The following MZT2A variants were observed in gnomAD, a reference collection of about 807,000 sequenced individuals.
MZT2A encodes mitotic-spindle organizing protein 2A.
In MZT2A, 8 loss-of-function variants were observed where a neutral mutation model predicts 12.4. That is an observed-to-expected ratio of 0.64 (90% confidence interval 0.38 to 1.16). MZT2A has a LOEUF of 1.16. Among genes scored for constraint, MZT2A ranks in the 50% most tolerant of loss-of-function variants. The pLI is 0.01. For missense variants in MZT2A, 181 were observed against 223.6 expected, an observed-to-expected ratio of 0.81 and a Z score of 1.22; for synonymous variants, 88 against 107.5, an observed-to-expected ratio of 0.82 and a Z score of 1.12.
chr2:131,479,931 A>G, downstream of MZT2A: 1 of 1,323,418 alleles, frequency 7.6e-7, no homozygotes, highest in Non-Finnish European at 1.0e-6. Context: ...TCTTTGCTTC[A>G]AAGTGTACTG....
chr2:131,480,910 CT>C (rs375835410), downstream of MZT2A, among the ~76,000 whole-genome samples: 229 of 145,704 alleles, frequency 1.6e-3, no homozygotes, highest in Middle Eastern at 3.6e-3. Flanking sequence ...TCAGTGATTT[CT>C]TTTTTTTTTT....
At chr2:131,491,603 T>G (rs1455710782) in intron 2 of MZT2A, 27 of 571,770 alleles carry the variant, frequency 4.7e-5, no homozygotes, top group Admixed American at 2.9e-4. Context: ...AAGGCCTGAG[T>G]GAAGAGGTGG....
upstream of MZT2A, chr2:131,492,672 G>A: frequency 8.0e-7 from 1 of 1,253,172 alleles, no homozygotes; most frequent in Non-Finnish European, 1.0e-6. Context: ...CGCTTAGGTG[G>A]CAGCACCCAG....
chr2:131,477,504 C>G (rs1001305595), intron 2 of MZT2A, among the ~76,000 whole-genome samples: 5 of 151,950 alleles, frequency 3.3e-5, no homozygotes, highest in African/African-American at 7.3e-5. Context: ...GAGAGGGATT[C>G]AGGTCACCCA....
chr2:131,493,033 G>A (rs151247370), upstream of MZT2A: 371 of 1,482,774 alleles, frequency 2.5e-4, 3 homozygotes, highest in East Asian at 5.9e-3. Context: ...CGCTTTTCCC[G>A]CCCGGCCGCG....
chr2:131,476,036 G>A, intron 2 of MZT2A: 2 of 1,353,542 alleles, frequency 1.5e-6, no homozygotes, highest in South Asian at 1.4e-5. Context: ...CTGGGATCCG[G>A]CCCTCAGCCC....
At chr2:131,479,476 T>C (rs762791517), downstream of MZT2A, 11 of 1,609,304 alleles carry the variant, frequency 6.8e-6, no homozygotes, top group East Asian at 1.8e-4. Flanking sequence ...GAAGGTTTCA[T>C]GTGGCCATTT....
At chr2:131,475,350 C>T (rs1170309891) in intron 2 of MZT2A, among the ~76,000 whole-genome samples, 5 of 75,660 alleles carry the variant, frequency 6.6e-5, no homozygotes, top group African/African-American at 2.2e-4. Context: ...TTTTTTGAAA[C>T]GGAGTATGGC....
At chr2:131,476,375 G>A (rs761509300) in intron 2 of MZT2A, among the ~76,000 whole-genome samples, 1 of 152,222 alleles carries the variant, frequency 6.6e-6, no homozygotes, top group Non-Finnish European at 1.5e-5. Context: ...TGGGTCCCAG[G>A]GCAGGGACGG....
chr2:131,478,286 T>C (rs1368582904), intron 2 of MZT2A: 1 of 1,613,996 alleles, frequency 6.2e-7, no homozygotes. Flanking sequence ...ATAAAACCAT[T>C]GGTGGCGGGG....
intron 2 of MZT2A, among the ~76,000 whole-genome samples, chr2:131,488,558 CT>C (rs1025603972): frequency 2.0e-5 from 3 of 151,756 alleles, no homozygotes; most frequent in African/African-American, 7.3e-5. Flanking sequence ...GACAACCCCC[CT>C]GCCATATGGG....
rs749725118 is a variant in MZT2A, at chr2:131,491,960, T to A, written c.235A>T (p.Met79Leu). ...PLAVFQMLKS[M>L]CAGQRLASEP... is the part of the protein sequence containing the mutation. Reference sequence around the variant, plus strand: ...CTCGCTAGCCTCTGCCCGGCACACATGGACTTGAGCATCTGGAAGACGGCG... The same window carrying A: ...CTCGCTAGCCTCTGCCCGGCACACAAGGACTTGAGCATCTGGAAGACGGCG... Residue 79 changes from methionine (M) to leucine (L), a missense_variant, in exon 2 of 3, where the codon ATG becomes TTG. Coordinates refer to ENST00000309451, the MANE Select transcript of MZT2A (RefSeq NM_001085365.2). 82 of 1,547,790 alleles carry A rather than the reference T, an allele frequency of 5.3e-5. No individual in the cohort carries two copies. The highest frequency in any genetic ancestry group is 3.2e-5 in the Non-Finnish European group (37 of 1,144,930).
chr2:131,485,639 T>C (rs2314125), intron 2 of MZT2A, among the ~76,000 whole-genome samples: 66,001 of 151,974 alleles, frequency 0.43, 16,930 homozygotes, highest in East Asian at 0.77. Flanking sequence ...CAGTCCCGTG[T>C]GGGAACTCCC....
At chr2:131,491,303 A>G (rs6709245) in intron 2 of MZT2A, 112,205 of 287,440 alleles carry the variant, frequency 0.39, 26,338 homozygotes, top group East Asian at 0.76. Context: ...TTCCGCGTCT[A>G]ACTCTCTTCC....
upstream of MZT2A, chr2:131,493,267 C>T (rs1679424658): frequency 3.7e-6 from 5 of 1,339,454 alleles, no homozygotes; most frequent in South Asian, 5.8e-5. Context: ...TCTGCCCAGG[C>T]CGGGCAGGCT....
At chr2:131,473,779 C>G (rs1336533542) in intron 2 of MZT2A, among the ~76,000 whole-genome samples, 2 of 147,180 alleles carry the variant, frequency 1.4e-5, no homozygotes, top group South Asian at 2.1e-4. Context: ...CTGTTCCAAA[C>G]TCCTCCAAAA....
intron 2 of MZT2A, among the ~76,000 whole-genome samples, chr2:131,484,639 G>A (rs768026908): frequency 1.3e-5 from 2 of 152,248 alleles, no homozygotes; most frequent in Admixed American, 1.3e-4. Flanking sequence ...GTGTGTTCAC[G>A]CTGGACTGCA....
At chr2:131,486,487 A>T (rs542244678) in intron 2 of MZT2A, 1 of 153,484 alleles carries the variant, frequency 6.5e-6, no homozygotes, top group South Asian at 2.1e-4. Context: ...CCTAGGCCTG[A>T]CTCAGAGTCG....
At chr2:131,473,875 T>C (rs141034552) in intron 2 of MZT2A, among the ~76,000 whole-genome samples, 3,049 of 121,418 alleles carry the variant, frequency 0.025, 200 homozygotes, top group African/African-American at 0.081. Context: ...TCCCTCTCAC[T>C]AAAGAAATAA....
Sources: allele counts gnomAD v4.1 joint callset (sites outside exome capture counted in the v4.1 genomes callset), GRCh38; gene constraint gnomAD v4.1.1; transcripts MANE v1.5; gene names NCBI Gene and HGNC (gene_info 2026-07-23, HGNC 2026-07-21).